The following MTREX variants were observed in gnomAD, a reference collection of about 807,000 sequenced individuals.
MTREX encodes the protein exosome RNA helicase MTR4.
MTREX carries 76 observed loss-of-function variants against 135.4 expected under a neutral mutation model. The ratio of observed to expected loss-of-function variants is 0.56; its 90% CI spans 0.47 to 0.68. MTREX has a LOEUF of 0.68. MTREX is among the 30% of genes least tolerant of loss of function. MTREX has a pLI of 0.00. For synonymous variants in MTREX, 404 were observed against 401.6 expected (o/e 1.01, Z -0.07); for missense variants, 920 against 1,262.1 (o/e 0.73, Z 4.11).
chr5:55,416,343 ATTT>A (rs1750965551), intron 25 of MTREX, among the ~76,000 whole-genome samples: 1 of 152,094 alleles, frequency 6.6e-6, no homozygotes, highest in African/African-American at 2.4e-5. Flanking sequence ...TTTAGAAACT[ATTT>A]TAAACTGTAT....
chr5:55,385,702 A>G (rs1479285077), intron 18 of MTREX, among the ~76,000 whole-genome samples: 1 of 152,122 alleles, frequency 6.6e-6, no homozygotes, highest in Non-Finnish European at 1.5e-5. Flanking sequence ...GGTTTTTCAT[A>G]ATTTTCTTCA....
At chr5:55,401,135 A>G (rs1219856167) in intron 21 of MTREX, among the ~76,000 whole-genome samples, 2 of 152,184 alleles carry the variant, frequency 1.3e-5, no homozygotes, top group Non-Finnish European at 2.9e-5. Flanking sequence ...CCCGGGTTCA[A>G]GTGATTCTTC....
chr5:55,370,058 G>A (rs1750171483), intron 16 of MTREX, among the ~76,000 whole-genome samples: 1 of 151,830 alleles, frequency 6.6e-6, no homozygotes, highest in Non-Finnish European at 1.5e-5. Flanking sequence ...CAAGTAGCTG[G>A]GATTACAGGC....
At chr5:55,379,521 A>G (rs935006222) in intron 18 of MTREX, among the ~76,000 whole-genome samples, 2 of 151,886 alleles carry the variant, frequency 1.3e-5, no homozygotes, top group South Asian at 4.2e-4. Context: ...CTCAACCATG[A>G]GAAAACTATT....
intron 20 of MTREX, among the ~76,000 whole-genome samples, chr5:55,399,776 C>T (rs970822527): frequency 3.3e-5 from 5 of 152,054 alleles, no homozygotes; most frequent in East Asian, 1.9e-4. Flanking sequence ...CGTGAGCCAC[C>T]GCGCCTGGCC....
At chr5:55,339,718 G>A (rs1348751743) in intron 5 of MTREX, among the ~76,000 whole-genome samples, 1 of 152,178 alleles carries the variant, frequency 6.6e-6, no homozygotes, top group African/African-American at 2.4e-5. Context: ...TTGGAAGCCC[G>A]TCTTAGAACC....
At chr5:55,406,515 C>T (rs1381395750) in intron 22 of MTREX, among the ~76,000 whole-genome samples, 1 of 152,158 alleles carries the variant, frequency 6.6e-6, no homozygotes, top group Non-Finnish European at 1.5e-5. Context: ...CCTTTTGTAA[C>T]CTAGCTTTGT....
At position 55,410,538 on chromosome 5, in the gene MTREX, T is replaced by C. The variant is rs1750870871; in HGVS notation, c.2660T>C (p.Leu887Pro). ...ACEISSADEL[L>P]LTEMMFNGLF... is the part of the protein sequence containing the mutation. The stretch of plus-strand genomic sequence containing the variant: ...TGCCATTGTAGTGCTGATGAGCTCC[T>C]TCTAACTGAGATGATGTTTAATGGC... Residue 887 changes from leucine to proline, a missense_variant, in exon 23 of 27, where the codon CTT (leucine) becomes CCT (proline). This residue lies in a region of MTREX where 467 missense variants were observed against 589.7 expected (regional missense o/e 0.79). Coordinates refer to ENST00000230640, the MANE Select transcript of MTREX (RefSeq NM_015360.5). The C allele has an allele frequency of 3.1e-6, 5 of 1,608,740 alleles. No individual in the cohort carries two copies. The East Asian group carries it at 1.1e-4, about 36-fold the overall frequency.
intron 15 of MTREX, among the ~76,000 whole-genome samples, chr5:55,360,336 C>G (rs1238272658): frequency 6.6e-6 from 1 of 151,512 alleles, no homozygotes; most frequent in Non-Finnish European, 1.5e-5. Flanking sequence ...CAAACTTGAT[C>G]TGTTCATCAG....
At chr5:55,381,084 A>G (rs1357620841) in intron 18 of MTREX, among the ~76,000 whole-genome samples, 1 of 152,084 alleles carries the variant, frequency 6.6e-6, no homozygotes, top group East Asian at 1.9e-4. Context: ...GTATTATTTT[A>G]TAATCCTTTT....
chr5:55,325,799 A>C (rs1749368423), intron 3 of MTREX, among the ~76,000 whole-genome samples: 1 of 152,034 alleles, frequency 6.6e-6, no homozygotes, highest in Admixed American at 6.5e-5. Context: ...TGGAGTCCTC[A>C]GTGTCTGTTG....
At chr5:55,360,349 G>T (rs1471778693) in intron 15 of MTREX, among the ~76,000 whole-genome samples, 1 of 150,982 alleles carries the variant, frequency 6.6e-6, no homozygotes, top group Non-Finnish European at 1.5e-5. Flanking sequence ...TTCATCAGTG[G>T]ATGGACATTT....
intron 16 of MTREX, among the ~76,000 whole-genome samples, chr5:55,375,133 C>G (rs1398832357): frequency 6.6e-6 from 1 of 152,186 alleles, no homozygotes; most frequent in Admixed American, 6.5e-5. Flanking sequence ...AGGGCGAGAT[C>G]ACAGGACCGC....
chr5:55,341,623 T>C (rs1465839321), intron 6 of MTREX, 58 bp from the exon 7 acceptor site: 6 of 848,692 alleles, frequency 7.1e-6, no homozygotes, highest in Non-Finnish European at 1.1e-5. Context: ...AACTTTTCTC[T>C]AACTATTAGC....
At chr5:55,353,950 C>T (rs752704440) in intron 14 of MTREX, among the ~76,000 whole-genome samples, 1 of 152,120 alleles carries the variant, frequency 6.6e-6, no homozygotes, top group Non-Finnish European at 1.5e-5. Context: ...TTTTGCCCTT[C>T]AGATTTAAAA....
At chr5:55,402,852 A>ATGTGTG (rs767239762) in intron 21 of MTREX, among the ~76,000 whole-genome samples, 8,467 of 114,378 alleles carry the variant, frequency 0.074, 325 homozygotes, top group Non-Finnish European at 0.096. Flanking sequence ...ATGTGTATGT[A>ATGTGTG]TGTGTGTGTG....
At chr5:55,361,892 CTTG>C (rs748985205) in intron 15 of MTREX, among the ~76,000 whole-genome samples, 50 of 147,340 alleles carry the variant, frequency 3.4e-4, no homozygotes, top group Middle Eastern at 3.5e-3. Context: ...CATACCCAGC[CTTG>C]TTGTTGTTGT....
Position 55,425,073 on chromosome 5 carries a change from C to T in MTREX, c.*301C>T. 8.5e-7 allele frequency: 1 copy of T among 1,179,274 alleles called. No homozygotes were observed. The highest frequency in any genetic ancestry group is 1.5e-5 in the South Asian group (1 of 64,574). The allele number at this position is 1,179,274 out of a possible 1,614,324, so 73.1% of individuals were successfully genotyped here. On this transcript the variant is annotated 3_prime_UTR_variant, in exon 27 of 27. Coordinates refer to ENST00000230640, the MANE Select transcript of MTREX (RefSeq NM_015360.5). The stretch of plus-strand genomic sequence containing the variant: ...GGTAACTATGTACACACAAAGTGTG[C>T]ATCCAAGAGGCATAGCAGCAGCAGA...
intron 25 of MTREX, among the ~76,000 whole-genome samples, chr5:55,418,475 A>G (rs1321376238): frequency 1.3e-5 from 2 of 148,760 alleles, no homozygotes; most frequent in Non-Finnish European, 3.0e-5. Context: ...TTTCCACAGC[A>G]TACCAGCATT....
Sources: gnomAD v4.1 joint callset for allele counts (sites outside exome capture counted in the v4.1 genomes callset) on GRCh38, gnomAD v4.1.1 for gene constraint, gnomAD v4.1.1 regional missense constraint, MANE v1.5 for transcripts, NCBI Gene and HGNC (gene_info 2026-07-23, HGNC 2026-07-21) for gene names.